The following TBCA variants were observed in gnomAD, a reference collection of about 807,000 sequenced individuals.
TBCA encodes tubulin-specific chaperone A.
A neutral mutation model predicts 15.8 loss-of-function variants in TBCA; 6 were observed. That is an observed-to-expected ratio of 0.38 (90% CI 0.21 to 0.75). TBCA has a LOEUF of 0.75. Among genes scored for constraint, TBCA ranks in the 30% least tolerant of loss-of-function variants. TBCA has a pLI of 0.46. For synonymous variants in TBCA, 32 were observed against 42.3 expected, an observed-to-expected ratio of 0.76 and a Z score of 0.94; for missense variants, 90 against 131.2, an observed-to-expected ratio of 0.69 and a Z score of 1.53.
At chr5:77,750,978 A>G (rs1316480289) in intron 1 of TBCA, among the ~76,000 whole-genome samples, 2 of 152,076 alleles carry the variant, frequency 1.3e-5, no homozygotes, top group Non-Finnish European at 2.9e-5. Flanking sequence ...CTGGGTTAAG[A>G]TAAGGGTTAT....
chr5:77,697,323 T>C (rs1186691120), intron 2 of TBCA, among the ~76,000 whole-genome samples: 1 of 152,164 alleles, frequency 6.6e-6, no homozygotes, highest in Non-Finnish European at 1.5e-5. Context: ...ACAAATACTT[T>C]TCAAGTGCCC....
At position 77,776,215 on chromosome 5, in the gene TBCA, C is replaced by T; in HGVS notation, c.43G>A (p.Val15Met). 6.4e-7 allele frequency: 1 copy of T among 1,571,302 alleles called. No homozygotes were observed. Among genetic ancestry groups the T allele is most frequent in the Non-Finnish European group, 8.6e-7 (1 of 1,159,310 alleles). Residue 15 changes from valine (V) to methionine (M), a missense_variant, in exon 1 of 4, where the codon GTG becomes ATG. By Grantham distance (21) the Val-to-Met change is conservative. Transcript: ENST00000380377. ...CTCCCGGCTCCTTACCGCTTCACCA[C>T]GCCGGTCTTGATCTTGATCTGTCTC... ...RVRQIKIKTG[V>M]VKRLVKEKVM...
At chr5:77,700,680 G>A (rs528263401) in intron 2 of TBCA, among the ~76,000 whole-genome samples, 7 of 152,264 alleles carry the variant, frequency 4.6e-5, no homozygotes, top group South Asian at 2.1e-4. Flanking sequence ...AAAACCACAC[G>A]AATACAACCT....
At chr5:77,738,549 G>T (rs532445836) in intron 1 of TBCA, among the ~76,000 whole-genome samples, 125 of 152,300 alleles carry the variant, frequency 8.2e-4, no homozygotes, top group Non-Finnish European at 1.3e-3. Context: ...TCTGCTTGTT[G>T]AACTAGTCAG....
chr5:77,734,749 G>T (rs772403440), intron 1 of TBCA, among the ~76,000 whole-genome samples: 4 of 152,182 alleles, frequency 2.6e-5, no homozygotes, highest in Admixed American at 6.5e-5. Context: ...TGAGTAAAAG[G>T]TTATCAAACA....
chr5:77,717,991 G>C (rs977235993), intron 1 of TBCA, among the ~76,000 whole-genome samples: 1 of 148,086 alleles, frequency 6.8e-6, no homozygotes, highest in Non-Finnish European at 1.5e-5. Flanking sequence ...TTAGCCAGGC[G>C]AGGTGGCGCA....
chr5:77,698,045 G>A (rs1049442151), intron 2 of TBCA, among the ~76,000 whole-genome samples: 5 of 151,930 alleles, frequency 3.3e-5, no homozygotes, highest in Non-Finnish European at 7.4e-5. Context: ...GCTTGAACCT[G>A]GGAGGTTAAG....
At chr5:77,740,472 AG>A (rs1747005961) in intron 1 of TBCA, among the ~76,000 whole-genome samples, 1 of 152,142 alleles carries the variant, frequency 6.6e-6, no homozygotes, top group South Asian at 2.1e-4. Flanking sequence ...CAGGTGATGG[AG>A]CAGGAAGACA....
chr5:77,776,134 CTCCGCTCAGCCT>C, intron 1 of TBCA, 59 bp downstream of exon 1: 1 of 1,540,772 alleles, frequency 6.5e-7, no homozygotes. Flanking sequence ...CGGGCCTGCG[CTCCGCTCAGCCT>C]CGCGGGCCGC....
chr5:77,720,159 G>A (rs1029768272), intron 1 of TBCA, among the ~76,000 whole-genome samples: 1 of 152,038 alleles, frequency 6.6e-6, no homozygotes, highest in Non-Finnish European at 1.5e-5. Flanking sequence ...TAGTAATCAT[G>A]CTCTCATCTC....
chr5:77,772,285 G>C (rs1383353202), intron 1 of TBCA, among the ~76,000 whole-genome samples: 2 of 151,980 alleles, frequency 1.3e-5, no homozygotes, highest in Non-Finnish European at 2.9e-5. Flanking sequence ...CCAACAATTA[G>C]TAATATGTTA....
chr5:77,776,025 G>C (rs1748015299), intron 1 of TBCA, among the ~76,000 whole-genome samples, 180 bp downstream of exon 1: 1 of 152,148 alleles, frequency 6.6e-6, no homozygotes, highest in African/African-American at 2.4e-5. Context: ...GAGGCTGGCG[G>C]GCTCGGGCGT....
In TBCA at chr5:77,693,548, C is replaced by T. The variant is rs138139335; in HGVS notation, c.160-196G>A. ...GCACAGTGGCTCACGCCTGTAATCCCAGCATTTTGGGAGACCGAGGCAGGC... is the reference window on the plus strand; with the variant it reads ...GCACAGTGGCTCACGCCTGTAATCCTAGCATTTTGGGAGACCGAGGCAGGC... On this transcript the variant is annotated intron_variant, in intron 2 of 3. Coordinates refer to ENST00000380377, the MANE Select transcript of TBCA (RefSeq NM_004607.3). 3.2e-3 allele frequency: 2,192 copies of T among 678,226 alleles called. 36 individuals carry two copies. The African/African-American group carries it at 0.034, about 11-fold the overall frequency. 42.0% of individuals were successfully genotyped at this position (678,226 alleles called of 1,614,324 possible). A position where few individuals can be genotyped will look rare whatever the true frequency, so the allele number is the denominator to read the frequency against.
intron 1 of TBCA, among the ~76,000 whole-genome samples, chr5:77,709,076 A>G (rs962162457): frequency 5.9e-5 from 9 of 151,736 alleles, no homozygotes; most frequent in African/African-American, 2.2e-4. Flanking sequence ...GCAGGGGAAA[A>G]TTCAGTAGAT....
intron 1 of TBCA, among the ~76,000 whole-genome samples, chr5:77,750,230 GAT>G (rs544386704): frequency 6.6e-6 from 1 of 150,956 alleles, no homozygotes; most frequent in African/African-American, 2.4e-5. Context: ...ATATACATAT[GAT>G]ATATATATCC....
intron 1 of TBCA, among the ~76,000 whole-genome samples, chr5:77,740,658 T>C (rs549156526): frequency 2.8e-4 from 42 of 152,318 alleles, no homozygotes; most frequent in African/African-American, 9.6e-4. Flanking sequence ...TGGCCAAAGG[T>C]AGCCAGTCCC....
intron 1 of TBCA, among the ~76,000 whole-genome samples, chr5:77,751,627 C>T (rs1363935027): frequency 6.6e-6 from 1 of 152,060 alleles, no homozygotes; most frequent in East Asian, 1.9e-4. Flanking sequence ...CAATGGCCAC[C>T]AAATCTTAAT....
intron 1 of TBCA, among the ~76,000 whole-genome samples, chr5:77,775,603 G>A (rs1257362984): frequency 6.6e-6 from 1 of 152,206 alleles, no homozygotes. Context: ...CACAGCCTCT[G>A]GGGCGAGCTT....
chr5:77,750,188 A>G (rs1747290038), intron 1 of TBCA, among the ~76,000 whole-genome samples: 1 of 151,508 alleles, frequency 6.6e-6, no homozygotes, highest in South Asian at 2.1e-4. Flanking sequence ...GCACAAATAC[A>G]TATACACACA....
Sources: allele counts gnomAD v4.1 joint callset (sites outside exome capture counted in the v4.1 genomes callset), GRCh38; gene constraint gnomAD v4.1.1; transcripts MANE v1.5; gene names NCBI Gene and HGNC (gene_info 2026-07-23, HGNC 2026-07-21).